The following LHFPL3 variants were observed in gnomAD, a reference collection of about 807,000 sequenced individuals.
The protein encoded by LHFPL3 is LHFPL tetraspan subfamily member 3, also known as LHFPL tetraspan subfamily member 3 protein.
In LHFPL3, 5 loss-of-function variants were observed where a neutral mutation model predicts 19.3. The observed-to-expected ratio is 0.26, with a 90% CI of 0.14 to 0.54. LHFPL3 has a LOEUF of 0.54. Ranked by LOEUF, LHFPL3 falls within the 20% of genes least tolerant of loss-of-function variation. The pLI is 0.94. For synonymous variants in LHFPL3, 133 were observed against 126.2 expected (o/e 1.05, Z -0.36); for missense variants, 249 against 307.4 (o/e 0.81, Z 1.42).
intron 1 of LHFPL3, among the ~76,000 whole-genome samples, chr7:104,649,756 A>G (rs1299181628): frequency 6.6e-6 from 1 of 152,182 alleles, no homozygotes; most frequent in Non-Finnish European, 1.5e-5. Context: ...GAGCAGCAGG[A>G]GTAGGGAAGT....
intron 1 of LHFPL3, among the ~76,000 whole-genome samples, chr7:104,607,485 C>T (rs1317682726): frequency 6.6e-6 from 1 of 152,172 alleles, no homozygotes; most frequent in East Asian, 1.9e-4. Flanking sequence ...CTACCAAAGG[C>T]TTTGCAAAGC....
chr7:104,791,060 G>A (rs1354923434), intron 2 of LHFPL3, among the ~76,000 whole-genome samples: 2 of 152,168 alleles, frequency 1.3e-5, no homozygotes, highest in African/African-American at 4.8e-5. Flanking sequence ...TAATATTCTA[G>A]TATTATTTCT....
At chr7:104,650,909 G>C (rs970486666) in intron 1 of LHFPL3, among the ~76,000 whole-genome samples, 2 of 152,184 alleles carry the variant, frequency 1.3e-5, no homozygotes, top group African/African-American at 4.8e-5. Context: ...TTGTCAAAGA[G>C]AGTTTGGTTA....
intron 1 of LHFPL3, among the ~76,000 whole-genome samples, chr7:104,688,665 G>A (rs1294704443): frequency 6.6e-6 from 1 of 152,048 alleles, no homozygotes; most frequent in African/African-American, 2.4e-5. Flanking sequence ...AGACAACAGT[G>A]ATGGCCTCCC....
intron 1 of LHFPL3, among the ~76,000 whole-genome samples, chr7:104,455,132 C>A (rs1468813717): frequency 6.6e-6 from 1 of 152,168 alleles, no homozygotes. Context: ...CACTTCATCA[C>A]CAGTATCAAC....
At chr7:104,804,021 CT>C in intron 2 of LHFPL3, 1 of 152,320 alleles carries the variant, frequency 6.6e-6, no homozygotes, top group South Asian at 2.1e-4. Flanking sequence ...TTTGGTTCTC[CT>C]TCTGCTATGT....
chr7:104,614,316 A>G (rs1255254629), intron 1 of LHFPL3, among the ~76,000 whole-genome samples: 2 of 152,162 alleles, frequency 1.3e-5, no homozygotes, highest in Admixed American at 6.6e-5. Context: ...GTAAATTTAC[A>G]AGTGTAAGAA....
chr7:104,797,489 T>A (rs1790155696), intron 2 of LHFPL3, among the ~76,000 whole-genome samples: 1 of 152,090 alleles, frequency 6.6e-6, no homozygotes, highest in South Asian at 2.1e-4. Flanking sequence ...TCTGTATACA[T>A]CCCCAAATGA....
At chr7:104,452,498 C>G (rs1792460077) in intron 1 of LHFPL3, among the ~76,000 whole-genome samples, 1 of 151,878 alleles carries the variant, frequency 6.6e-6, no homozygotes, top group Non-Finnish European at 1.5e-5. Context: ...TTTTTTATTG[C>G]TAAAAAAATC....
chr7:104,411,485 G>A lies in LHFPL3; in HGVS notation c.445+82261G>A, dbSNP rs1390006419. Among the ~76,000 whole-genome samples, 4 of 151,964 alleles carry A rather than the reference G, an allele frequency of 2.6e-5. No individual in the cohort carries two copies. In the East Asian group the frequency reaches 7.7e-4, roughly 29 times the overall value. ...TGTTTTTGAAATTCAATAATATTAA[G>A]TCTTTGAAACATACAGGTAACATTC... On this transcript the variant is annotated intron_variant, in intron 1 of 2. Coordinates refer to ENST00000424859, the MANE Select transcript of LHFPL3 (RefSeq NM_199000.3).
chr7:104,430,392 A>ATATATACATATG (rs1791947427), intron 1 of LHFPL3, among the ~76,000 whole-genome samples: 4 of 56,578 alleles, frequency 7.1e-5, no homozygotes, highest in African/African-American at 4.1e-4. Context: ...ACATATATAT[A>ATATATACATATG]TATATATATA....
intron 2 of LHFPL3, among the ~76,000 whole-genome samples, chr7:104,812,503 T>A (rs180847459): frequency 9.2e-4 from 138 of 150,450 alleles, no homozygotes; most frequent in African/African-American, 2.7e-3. Context: ...CAAAAAAAAA[T>A]TTTTTTTTTA....
At chr7:104,693,030 G>A (rs1792931825) in intron 1 of LHFPL3, among the ~76,000 whole-genome samples, 1 of 152,220 alleles carries the variant, frequency 6.6e-6, no homozygotes, top group South Asian at 2.1e-4. Flanking sequence ...CCAAGGCCGT[G>A]AGAGCCCACC....
At chr7:104,446,166 G>A (rs373128577) in intron 1 of LHFPL3, among the ~76,000 whole-genome samples, 1 of 152,212 alleles carries the variant, frequency 6.6e-6, no homozygotes, top group Non-Finnish European at 1.5e-5. Flanking sequence ...CACTGGGCAT[G>A]AGCAGTAATT....
intron 1 of LHFPL3, among the ~76,000 whole-genome samples, chr7:104,385,182 A>T (rs1189246167): frequency 6.6e-6 from 1 of 152,204 alleles, no homozygotes; most frequent in Non-Finnish European, 1.5e-5. Context: ...ATAGTTTATC[A>T]GGACTTGGTA....
intron 1 of LHFPL3, among the ~76,000 whole-genome samples, chr7:104,602,520 A>G (rs1173026330): frequency 1.3e-5 from 2 of 152,230 alleles, no homozygotes; most frequent in Non-Finnish European, 2.9e-5. Flanking sequence ...TAACTTCTGC[A>G]TATAAGGTGA....
intron 1 of LHFPL3, among the ~76,000 whole-genome samples, chr7:104,566,847 C>T (rs539454925): frequency 6.6e-5 from 10 of 152,332 alleles, no homozygotes; most frequent in Admixed American, 4.6e-4. Context: ...AAATGTAACT[C>T]CCCATTTCAA....
chr7:104,414,335 GA>G lies in LHFPL3; in HGVS notation c.445+85112del, dbSNP rs149862085. 7.2e-3 allele frequency among the ~76,000 whole-genome samples: 1,101 copies of G among 152,278 alleles called. 74 individuals are homozygous for G. In the East Asian group the frequency reaches 0.16, roughly 22 times the overall value. On this transcript the variant is annotated intron_variant, in intron 1 of 2. Coordinates refer to ENST00000424859, the MANE Select transcript of LHFPL3 (RefSeq NM_199000.3). ...GAGAAGAGGAAATTGCAGCTGATGA[GA>G]TTTTCAGGATCCCTAGCAGAGCAAT...
chr7:104,692,393 T>A (rs1792921244), intron 1 of LHFPL3, among the ~76,000 whole-genome samples: 1 of 152,230 alleles, frequency 6.6e-6, no homozygotes, highest in Non-Finnish European at 1.5e-5. Context: ...GTCAGAGATC[T>A]TCACTGTAGC....
Sources: gnomAD v4.1 joint callset for allele counts (sites outside exome capture counted in the v4.1 genomes callset) on GRCh38, gnomAD v4.1.1 for gene constraint, MANE v1.5 for transcripts, NCBI Gene and HGNC (gene_info 2026-07-23, HGNC 2026-07-21) for gene names.